Variants in SLC6A3 observed in about 807,000 individuals in gnomAD.
The protein encoded by SLC6A3 is sodium-dependent dopamine transporter.
A neutral mutation model predicts 70.4 loss-of-function variants in SLC6A3; 19 were observed. The ratio of observed to expected loss-of-function variants is 0.27; its 90% confidence interval spans 0.19 to 0.40. The LOEUF (loss-of-function observed/expected upper bound fraction) is 0.40. Ranked by LOEUF, SLC6A3 falls within the 10% of genes least tolerant of loss-of-function variation. The pLI, the probability that SLC6A3 is intolerant of heterozygous loss-of-function variation, is 1.00. For missense variants in SLC6A3, 613 were observed against 838.5 expected (o/e 0.73, Z 3.32); for synonymous variants, 368 against 356.6 (o/e 1.03, Z -0.36).
chr5:1,409,885 C>A (rs370492458), intron 9 of SLC6A3, 36 bp from the exon 10 acceptor site: 1 of 1,611,600 alleles, frequency 6.2e-7, no homozygotes. Flanking sequence ...TGCAGGCTGG[C>A]GGCGCTCCTG....
intron 6 of SLC6A3, among the ~76,000 whole-genome samples, chr5:1,420,127 C>T (rs748980293): frequency 5.3e-5 from 8 of 152,218 alleles, no homozygotes; most frequent in Non-Finnish European, 1.0e-4. Context: ...ACCTCCCCCA[C>T]TTAGTCCACC....
rs777147996 is a variant in SLC6A3 at position 1,406,973 on chromosome 5, C to G, written c.1499-685G>C. Reference sequence around the variant, plus strand: ...AAGCTGCGGCCCACATCAGCATTCCCTTTTGTTTTAAGGCCGAATCATATT... The same window carrying G: ...AAGCTGCGGCCCACATCAGCATTCCGTTTTGTTTTAAGGCCGAATCATATT... On this transcript the variant is annotated intron_variant, in intron 11 of 14. Transcript: ENST00000270349. The surrounding 1 kb of genome is among the most constrained non-coding windows in gnomAD (Gnocchi z 8.8). Among the ~76,000 whole-genome samples, 8 of 152,216 alleles carry G rather than the reference C, an allele frequency of 5.3e-5. No individual in the cohort carries two copies. Among genetic ancestry groups the G allele is most frequent in the Non-Finnish European group, 1.0e-4 (7 of 68,044 alleles).
rs1377578099 is a variant in SLC6A3 at position 1,408,029 on chromosome 5, C to G, written c.1498+997G>C. 2.6e-5 allele frequency among the ~76,000 whole-genome samples: 4 copies of G among 151,708 alleles called. No individual in the cohort carries two copies. The highest frequency in any genetic ancestry group is 5.9e-5 in the Non-Finnish European group (4 of 67,960). On this transcript the variant is annotated intron_variant, in intron 11 of 14. Coordinates refer to ENST00000270349, the MANE Select transcript of SLC6A3 (RefSeq NM_001044.5). The surrounding 1 kb of genome is among the most constrained non-coding windows in gnomAD (Gnocchi z 6.4). Reference sequence around the variant, plus strand: ...TTTTTTTTCTTTTTTGAGACGGAGTCTCACTCTGTTGCCCAGGCTGGAGTG... The same window carrying G: ...TTTTTTTTCTTTTTTGAGACGGAGTGTCACTCTGTTGCCCAGGCTGGAGTG...
rs1755997979 is a variant in SLC6A3 at position 1,406,997 on chromosome 5, T to C, written c.1499-709A>G. ...CCTTTTGTTTTAAGGCCGAATCATATTCCGTCATGAGTATACCGTCACTGT... is the reference window on the plus strand; with the variant it reads ...CCTTTTGTTTTAAGGCCGAATCATACTCCGTCATGAGTATACCGTCACTGT... On this transcript the variant is annotated intron_variant, in intron 11 of 14. Coordinates refer to ENST00000270349, the MANE Select transcript of SLC6A3 (RefSeq NM_001044.5). The surrounding 1 kb of genome is among the most constrained non-coding windows in gnomAD (Gnocchi z 8.8). Among the ~76,000 whole-genome samples, 3 of 152,232 alleles carry C rather than the reference T, an allele frequency of 2.0e-5. No individual in the cohort carries two copies. The highest frequency in any genetic ancestry group is 2.0e-4 in the Admixed American group (3 of 15,284).
chr5:1,441,512 T>G, intron 2 of SLC6A3, 22 bp from the exon 3 acceptor site: 1 of 1,612,282 alleles, frequency 6.2e-7, no homozygotes, highest in Non-Finnish European at 8.5e-7. Flanking sequence ...AAAAGCACCT[T>G]TAGTTTGGGG....
chr5:1,402,806 G>A lies in SLC6A3; in HGVS notation c.1767+116C>T. 9.2e-7 allele frequency: 1 copy of A among 1,082,990 alleles called. No individual in the cohort carries two copies. The highest frequency in any genetic ancestry group is 1.3e-5 in the South Asian group (1 of 74,830). 67.1% of individuals were successfully genotyped at this position (1,082,990 alleles called of 1,614,324 possible). On this transcript the variant is annotated intron_variant, in intron 13 of 14. Coordinates refer to ENST00000270349, the MANE Select transcript of SLC6A3 (RefSeq NM_001044.5). This position sits in a 1 kb window ranked among gnomAD's most constrained non-coding sequence, Gnocchi z 8.5. ...CACAGTGTTGTGGTGGCCACCTCCA[G>A]TCTCCTCCTCTTGGTCACAGATGAC... is the stretch of plus-strand genomic sequence containing the variant.
rs1189300654 is a variant in SLC6A3, at chr5:1,394,589, G to A, written c.*146C>T. On this transcript the variant is annotated 3_prime_UTR_variant, in exon 15 of 15. Coordinates refer to ENST00000270349, the MANE Select transcript of SLC6A3 (RefSeq NM_001044.5). This position sits in a 1 kb window ranked among gnomAD's most constrained non-coding sequence, Gnocchi z 4.7. The stretch of plus-strand genomic sequence containing the variant: ...GAAAGGTGTAAACAGTCAGAAGAGA[G>A]GAGTCTTCTGCTTTGTTGTTTGTGT... 1 of 821,852 alleles carries A rather than the reference G, an allele frequency of 1.2e-6. No homozygotes were observed. Among genetic ancestry groups the A allele is most frequent in the African/African-American group, 1.7e-5 (1 of 59,888 alleles). 50.9% of individuals were successfully genotyped at this position (821,852 alleles called of 1,614,324 possible). A position where few individuals can be genotyped will look rare whatever the true frequency, so the allele number is the denominator to read the frequency against.
intron 1 of SLC6A3, among the ~76,000 whole-genome samples, chr5:1,444,956 A>G (rs2447847): frequency 6.6e-6 from 1 of 151,968 alleles, no homozygotes; most frequent in South Asian, 2.1e-4. Context: ...GCGGCGGTGT[A>G]CAAAACCCAC....
Position 1,404,723 on chromosome 5 carries a change from G to A in SLC6A3, c.1599+1465C>T, listed in dbSNP as rs184746442. ...GAAATCAGAACTTCATAGGAATTGT[G>A]CTGTCATATTAAATACAAAATGACA... On this transcript the variant is annotated intron_variant, in intron 12 of 14. Transcript: ENST00000270349. This position sits in a 1 kb window ranked among gnomAD's most constrained non-coding sequence, Gnocchi z 5.2. 4.8e-4 allele frequency among the ~76,000 whole-genome samples: 73 copies of A among 152,366 alleles called. No individual in the cohort carries two copies. The highest frequency in any genetic ancestry group is 1.7e-3 in the African/African-American group (69 of 41,588).
intron 8 of SLC6A3, among the ~76,000 whole-genome samples, chr5:1,412,883 C>T (rs542077935): frequency 2.8e-4 from 42 of 152,344 alleles, no homozygotes; most frequent in East Asian, 2.3e-3. Flanking sequence ...CTCCCAGATA[C>T]CCTGGTGGAT....
intron 4 of SLC6A3, among the ~76,000 whole-genome samples, chr5:1,426,768 G>T (rs985279139): frequency 6.6e-6 from 1 of 152,224 alleles, no homozygotes; most frequent in African/African-American, 2.4e-5. Context: ...TAGAATGGTA[G>T]CTGCCAGGGG....
In SLC6A3 at chr5:1,409,784, A is replaced by C. The variant is rs762754512; in HGVS notation, c.1335T>G (p.Arg445=). The C allele has an allele frequency of 3.9e-5, 63 of 1,613,290 alleles. No homozygotes were observed. Among genetic ancestry groups the C allele is most frequent in the Non-Finnish European group, 4.7e-5 (56 of 1,179,940 alleles). ...GGACGATGAAGAGCGTGAAGAGCTC[A>C]CGGTGTCTGTGCAGCAGCTGGAACT... ...IDEFQLLHRH[R]ELFTLFIVLA... is the part of the protein sequence containing the mutation. Residue 445 remains arginine, a synonymous_variant, in exon 10 of 15, where the codon CGT becomes CGG. Transcript: ENST00000270349.
chr5:1,405,706 GA>G lies in SLC6A3; in HGVS notation c.1599+481del, dbSNP rs562387225. ...GGCCCTGACTCGGTGGCGGATGACAGAAGCAAGTGCCTACTGGACACAGTGA... is the reference window on the plus strand; with the variant it reads ...GGCCCTGACTCGGTGGCGGATGACAGAGCAAGTGCCTACTGGACACAGTGA... On this transcript the variant is annotated intron_variant, in intron 12 of 14. Transcript: ENST00000270349. The surrounding 1 kb of genome is among the most constrained non-coding windows in gnomAD (Gnocchi z 5.3). 1.1e-3 allele frequency among the ~76,000 whole-genome samples: 170 copies of G among 152,362 alleles called. No homozygotes were observed. Among genetic ancestry groups the G allele is most frequent in the Non-Finnish European group, 1.8e-3 (125 of 68,034 alleles).
rs1755739652 is a variant in SLC6A3 at position 1,397,126 on chromosome 5, C to T, written c.1840-2368G>A. Among the ~76,000 whole-genome samples the T allele has an allele frequency of 6.6e-6, 1 of 152,176 alleles. No individual in the cohort carries two copies. Among genetic ancestry groups the T allele is most frequent in the Admixed American group, 6.5e-5 (1 of 15,272 alleles). On this transcript the variant is annotated intron_variant, in intron 14 of 14. Transcript: ENST00000270349. This position sits in a 1 kb window ranked among gnomAD's most constrained non-coding sequence, Gnocchi z 4.7. Reference sequence around the variant, plus strand: ...AAGTGAGGTAAGAGACCTGGAGGACCTGGGGCAAAGTGGACACACCAGAGC... The same window carrying T: ...AAGTGAGGTAAGAGACCTGGAGGACTTGGGGCAAAGTGGACACACCAGAGC...
rs1378208837 is a variant in SLC6A3, at chr5:1,408,784, CCCAGCCG to C, written c.1498+235_1498+241del. On this transcript the variant is annotated intron_variant, in intron 11 of 14. Coordinates refer to ENST00000270349, the MANE Select transcript of SLC6A3 (RefSeq NM_001044.5). The surrounding 1 kb of genome is among the most constrained non-coding windows in gnomAD (Gnocchi z 6.4). ...TCTAGCGTGGAGGAGGCAGAAGACG[CCCAGCCG>C]CTGTGAACACCTCTGACCACAGTGT... 6.6e-6 allele frequency among the ~76,000 whole-genome samples: 1 copy of C among 152,214 alleles called. No homozygotes were observed. The highest frequency in any genetic ancestry group is 1.5e-5 in the Non-Finnish European group (1 of 68,040).
In SLC6A3 at chr5:1,404,511, T is replaced by C. The variant is rs992570574; in HGVS notation, c.1600-1422A>G. On this transcript the variant is annotated intron_variant, in intron 12 of 14. Coordinates refer to ENST00000270349, the MANE Select transcript of SLC6A3 (RefSeq NM_001044.5). This position sits in a 1 kb window ranked among gnomAD's most constrained non-coding sequence, Gnocchi z 5.2. Reference sequence around the variant, plus strand: ...GCCTCCCCAGGCCACAGTCTGCCCATGTAAGTTGCCTTTGCTCCGGCATAA... The same window carrying C: ...GCCTCCCCAGGCCACAGTCTGCCCACGTAAGTTGCCTTTGCTCCGGCATAA... 6.6e-6 allele frequency among the ~76,000 whole-genome samples: 1 copy of C among 152,250 alleles called. No individual in the cohort carries two copies. The highest frequency in any genetic ancestry group is 2.4e-5 in the African/African-American group (1 of 41,474).
In SLC6A3 at chr5:1,408,203, A is replaced by ATTTTTT. The variant is rs760385170; in HGVS notation, c.1498+817_1498+822dup. Among the ~76,000 whole-genome samples the ATTTTTT allele has an allele frequency of 3.8e-3, 505 of 131,520 alleles. 3 individuals are homozygous for ATTTTTT. The highest frequency in any genetic ancestry group is 0.032 in the East Asian group (147 of 4,656). The allele number at this position is 131,520 out of a possible 152,430, so 86.3% of individuals were successfully genotyped here. On this transcript the variant is annotated intron_variant, in intron 11 of 14. Coordinates refer to ENST00000270349, the MANE Select transcript of SLC6A3 (RefSeq NM_001044.5). The surrounding 1 kb of genome is among the most constrained non-coding windows in gnomAD (Gnocchi z 6.4). ...AGCCTTGTGCCACCACACCCGGCTA[A>ATTTTTT]TTTTTTTTTTTTTTTTTTTTAGTAA... is the stretch of plus-strand genomic sequence containing the variant.
intron 4 of SLC6A3, among the ~76,000 whole-genome samples, chr5:1,425,959 A>G (rs1390273680): frequency 6.6e-6 from 1 of 152,170 alleles, no homozygotes; most frequent in Non-Finnish European, 1.5e-5. Context: ...TCAAAAATAC[A>G]ATGACAGACC....
intron 14 of SLC6A3, 111 bp downstream of exon 14, chr5:1,400,804 T>C: frequency 1.2e-6 from 1 of 818,498 alleles, no homozygotes; most frequent in African/African-American, 1.7e-5. Flanking sequence ...GCTGGCTGAG[T>C]AAATGAGCAC....
Sources: gnomAD v4.1 joint callset for allele counts (sites outside exome capture counted in the v4.1 genomes callset) on GRCh38, gnomAD v4.1.1 for gene constraint, Gnocchi (gnomAD v3.1) non-coding constraint, MANE v1.5 for transcripts, NCBI Gene and HGNC (gene_info 2026-07-23, HGNC 2026-07-21) for gene names.